The following CUX2 variants were observed in gnomAD, a reference collection of about 807,000 sequenced individuals.
CUX2 encodes the protein cut like homeobox 2.
A neutral mutation model predicts 144.8 loss-of-function variants in CUX2; 40 were observed. The observed-to-expected ratio is 0.28, with a 90% CI of 0.21 to 0.36. CUX2 has a LOEUF of 0.36. Among genes scored for constraint, CUX2 ranks in the 10% least tolerant of loss-of-function variants. CUX2 has a pLI of 1.00. For missense variants in CUX2, 1,615 were observed against 1,994.0 expected, an observed-to-expected ratio of 0.81 and a Z score of 3.62; for synonymous variants, 827 against 875.6, an observed-to-expected ratio of 0.94 and a Z score of 0.98.
intron 3 of CUX2, among the ~76,000 whole-genome samples, chr12:111,236,524 G>C (rs963062054): frequency 6.6e-6 from 1 of 152,158 alleles, no homozygotes; most frequent in Non-Finnish European, 1.5e-5. Flanking sequence ...CTTGCAAGGT[G>C]GATAATCATG....
Position 111,322,356 on chromosome 12 carries a change from A to T in CUX2, c.2767-65A>T. Reference sequence around the variant, plus strand: ...AAAAAAAAAAAAAAGGTTGGGGAGGAGAGTGAGGGCCAGGCCCATGTCCCA... The same window carrying T: ...AAAAAAAAAAAAAAGGTTGGGGAGGTGAGTGAGGGCCAGGCCCATGTCCCA... On this transcript the variant is annotated intron_variant, in intron 17 of 21. Coordinates refer to ENST00000261726, the MANE Select transcript of CUX2 (RefSeq NM_015267.4). The surrounding 1 kb of genome is among the most constrained non-coding windows in gnomAD (Gnocchi z 4.2). The T allele has an allele frequency of 1.0e-4, 93 of 888,292 alleles. No individual in the cohort carries two copies. Among genetic ancestry groups the T allele is most frequent in the Middle Eastern group, 3.8e-4 (1 of 2,664 alleles). The allele number at this position is 888,292 out of a possible 1,614,324, so 55.0% of individuals were successfully genotyped here. A position where few individuals can be genotyped will look rare whatever the true frequency, so the allele number is the denominator to read the frequency against.
chr12:111,194,559 C>T (rs950042338), intron 1 of CUX2, among the ~76,000 whole-genome samples: 1 of 152,208 alleles, frequency 6.6e-6, no homozygotes, highest in Admixed American at 6.5e-5. Flanking sequence ...CATGCAGCAC[C>T]GATCGGCCAG....
At chr12:111,222,043 C>T (rs1881886042) in intron 3 of CUX2, among the ~76,000 whole-genome samples, 3 of 152,160 alleles carry the variant, frequency 2.0e-5, no homozygotes, top group African/African-American at 7.2e-5. Flanking sequence ...ATAAAAGTTG[C>T]TTTATGAAAG....
chr12:111,075,625 T>A (rs940284166), intron 1 of CUX2, among the ~76,000 whole-genome samples: 4 of 152,114 alleles, frequency 2.6e-5, no homozygotes, highest in Admixed American at 6.5e-5. Context: ...AGTTGACAAA[T>A]ATATTTGTGT....
intron 1 of CUX2, among the ~76,000 whole-genome samples, chr12:111,146,638 C>CGT (rs1876690539): frequency 6.6e-6 from 1 of 152,188 alleles, no homozygotes; most frequent in Non-Finnish European, 1.5e-5. Context: ...GGGTTAGTAA[C>CGT]GTGTATTTGA....
At chr12:111,337,067 C>T (rs558946730) in intron 19 of CUX2, among the ~76,000 whole-genome samples, 2 of 152,004 alleles carry the variant, frequency 1.3e-5, no homozygotes, top group South Asian at 2.1e-4. Context: ...CCCAGCCACT[C>T]GGGAGGATAA....
chr12:111,299,024 C>T (rs1336259922), intron 9 of CUX2, among the ~76,000 whole-genome samples: 27 of 152,224 alleles, frequency 1.8e-4, no homozygotes, highest in Non-Finnish European at 5.9e-5. Context: ...ATCTGGTGGG[C>T]AGAGTCAGGC....
rs1194067040 is a variant in CUX2 at position 111,037,597 on chromosome 12, AG to A, written c.63+3358del. On this transcript the variant is annotated intron_variant, in intron 1 of 21. Transcript: ENST00000261726. The surrounding 1 kb of genome is among the most constrained non-coding windows in gnomAD (Gnocchi z 5.4). ...TTGCTTCTTTTTTGCCTTTGCTGCTAGCAGCTCAGGAAACGAGAAGAAATAA... is the reference window on the plus strand; with the variant it reads ...TTGCTTCTTTTTTGCCTTTGCTGCTACAGCTCAGGAAACGAGAAGAAATAA... Among the ~76,000 whole-genome samples, 3 of 152,232 alleles carry A rather than the reference AG, an allele frequency of 2.0e-5. No individual in the cohort carries two copies. The highest frequency in any genetic ancestry group is 1.3e-4 in the Admixed American group (2 of 15,284).
At position 111,171,803 on chromosome 12, in the gene CUX2, G is replaced by A. The variant is rs571013276; in HGVS notation, c.64-42397G>A. ...GGGAAGGAGCCGGAGAGAAGGCAGA[G>A]CTTGGGAAATTGGCCCTCTGTCTTC... On this transcript the variant is annotated intron_variant, in intron 1 of 21. Transcript: ENST00000261726. The surrounding 1 kb of genome is among the most constrained non-coding windows in gnomAD (Gnocchi z 5.0). Among the ~76,000 whole-genome samples the A allele has an allele frequency of 5.9e-5, 9 of 152,378 alleles. No homozygotes were observed. The South Asian group carries it at 1.9e-3, about 32-fold the overall frequency.
intron 1 of CUX2, among the ~76,000 whole-genome samples, chr12:111,117,090 G>A (rs1240013224): frequency 1.3e-5 from 2 of 152,172 alleles, no homozygotes; most frequent in Non-Finnish European, 2.9e-5. Flanking sequence ...TGAAAAGAGG[G>A]TAAGAGGTTT....
At chr12:111,099,667 A>T in intron 1 of CUX2, 3 of 456,510 alleles carry the variant, frequency 6.6e-6, no homozygotes, top group Non-Finnish European at 1.3e-5. Flanking sequence ...AAGGTGGGGG[A>T]TGTCTCTGCC....
In CUX2 at chr12:111,249,470, G is replaced by A. The variant is rs1883464315; in HGVS notation, c.223-14291G>A. 2.3e-5 allele frequency among the ~76,000 whole-genome samples: 3 copies of A among 132,298 alleles called. No individual in the cohort carries two copies. The South Asian group carries it at 7.1e-4, about 31-fold the overall frequency. The allele number at this position is 132,298 out of a possible 152,430, so 86.8% of individuals were successfully genotyped here. A position where few individuals can be genotyped will look rare whatever the true frequency, so the allele number is the denominator to read the frequency against. On this transcript the variant is annotated intron_variant, in intron 3 of 21. Transcript: ENST00000261726. ...GTTTTTTTTTTTTTTTTTTTAGTGG[G>A]GTTGGAGACAGAGTCTCACTCTATT...
intron 1 of CUX2, among the ~76,000 whole-genome samples, chr12:111,085,658 C>G (rs1161563356): frequency 6.6e-6 from 1 of 152,240 alleles, no homozygotes; most frequent in African/African-American, 2.4e-5. Flanking sequence ...CCTGTCTCCC[C>G]TAGAGAAGTG....
intron 1 of CUX2, among the ~76,000 whole-genome samples, chr12:111,184,923 A>G (rs975372827): frequency 6.6e-6 from 1 of 152,128 alleles, no homozygotes; most frequent in Non-Finnish European, 1.5e-5. Context: ...TTAGCCTGGC[A>G]TGGTGGCGGG....
chr12:111,088,987 C>T (rs1332781775), intron 1 of CUX2, among the ~76,000 whole-genome samples: 3 of 152,302 alleles, frequency 2.0e-5, no homozygotes, highest in East Asian at 1.9e-4. Flanking sequence ...CCCCTCCCCA[C>T]TCCACTAGGT....
chr12:111,172,012 T>C (rs1878560965), intron 1 of CUX2, among the ~76,000 whole-genome samples: 1 of 152,028 alleles, frequency 6.6e-6, no homozygotes. Context: ...TGCGCATGTG[T>C]GTGCATATGC....
intron 1 of CUX2, among the ~76,000 whole-genome samples, chr12:111,069,636 C>A (rs1871179594): frequency 1.3e-5 from 2 of 151,820 alleles, no homozygotes; most frequent in South Asian, 4.2e-4. Flanking sequence ...CTTTCTGAGG[C>A]CTCTCTTATT....
chr12:111,240,284 G>A (rs1249939348), intron 3 of CUX2, among the ~76,000 whole-genome samples: 1 of 152,208 alleles, frequency 6.6e-6, no homozygotes, highest in African/African-American at 2.4e-5. Context: ...AAGCACCCAG[G>A]TGAACAGCCC....
At chr12:111,279,816 T>A (rs1320398402) in intron 4 of CUX2, among the ~76,000 whole-genome samples, 1 of 152,202 alleles carries the variant, frequency 6.6e-6, no homozygotes, top group African/African-American at 2.4e-5. Context: ...ACCCCTTCTC[T>A]ATTAAAGATA....
Sources: gnomAD v4.1 joint callset for allele counts (sites outside exome capture counted in the v4.1 genomes callset) on GRCh38, gnomAD v4.1.1 for gene constraint, Gnocchi (gnomAD v3.1) non-coding constraint, MANE v1.5 for transcripts, NCBI Gene and HGNC (gene_info 2026-07-23, HGNC 2026-07-21) for gene names.